Variants in SAXO1 observed in about 807,000 individuals in gnomAD.
The protein encoded by SAXO1 is 4930500O09Rik.
In SAXO1, 21 loss-of-function variants were observed where a neutral mutation model predicts 17.5. That is an observed-to-expected ratio of 1.20 (90% CI 0.85 to 1.72). SAXO1 has a LOEUF of 1.72. Among genes scored for constraint, SAXO1 ranks in the 40% most tolerant of loss-of-function variants. SAXO1 has a pLI of 0.00. For synonymous variants in SAXO1, 274 were observed against 216.5 expected (o/e 1.27, Z -2.33); for missense variants, 843 against 596.0 (o/e 1.41, Z -4.32).
intron 1 of SAXO1, among the ~76,000 whole-genome samples, chr9:18,958,489 T>C (rs1161087026): frequency 1.3e-5 from 2 of 151,896 alleles, no homozygotes; most frequent in Admixed American, 6.6e-5. Context: ...AGAAATTGGA[T>C]AACAGAAAGC....
intron 1 of SAXO1, among the ~76,000 whole-genome samples, chr9:18,957,787 C>A (rs188084817): frequency 8.7e-4 from 132 of 152,288 alleles, no homozygotes; most frequent in Non-Finnish European, 1.7e-3. Context: ...GTCTTAACAA[C>A]CCCCACAACC....
chr9:18,952,868 T>A (rs1832089306), intron 1 of SAXO1, among the ~76,000 whole-genome samples: 1 of 152,216 alleles, frequency 6.6e-6, no homozygotes, highest in African/African-American at 2.4e-5. Context: ...TTCTATTTTA[T>A]ACCCCTTTAA....
At chr9:18,930,803 G>A (rs1259374916) in intron 3 of SAXO1, among the ~76,000 whole-genome samples, 2 of 152,164 alleles carry the variant, frequency 1.3e-5, no homozygotes, top group East Asian at 3.9e-4. Flanking sequence ...CCGGCCTACT[G>A]CTGGCATTCT....
Position 19,008,175 on chromosome 9 carries a change from A to G in SAXO1, c.38+24696T>C, listed in dbSNP as rs1430111912. The stretch of plus-strand genomic sequence containing the variant: ...TTTTTAGTAGAGAGGGGGTTTCACC[A>G]TGTTGCCCAGGCTGGTGATCTTGAA... On this transcript the variant is annotated intron_variant, in intron 1 of 3. Coordinates refer to ENST00000380534, the MANE Select transcript of SAXO1 (RefSeq NM_153707.4). Among the ~76,000 whole-genome samples, 4 of 152,070 alleles carry G rather than the reference A, an allele frequency of 2.6e-5. No homozygotes were observed. In the East Asian group the frequency reaches 7.7e-4, roughly 29 times the overall value.
chr9:18,932,580 C>G (rs1034985402), intron 3 of SAXO1, among the ~76,000 whole-genome samples: 3 of 152,210 alleles, frequency 2.0e-5, no homozygotes, highest in East Asian at 1.9e-4. Context: ...AAGGAGCCTT[C>G]TGAGATTTTG....
intron 1 of SAXO1, among the ~76,000 whole-genome samples, chr9:18,963,289 C>T (rs1832566866): frequency 6.6e-6 from 1 of 152,010 alleles, no homozygotes; most frequent in Non-Finnish European, 1.5e-5. Context: ...GCTATACAGG[C>T]TTTTTTTGGT....
In SAXO1 at chr9:19,004,416, T is replaced by C. The variant is rs146797811; in HGVS notation, c.38+28455A>G. Among the ~76,000 whole-genome samples the C allele has an allele frequency of 3.0e-3, 460 of 152,332 alleles. 8 individuals are homozygous for C. In the South Asian group the frequency reaches 0.044, roughly 15 times the overall value. On this transcript the variant is annotated intron_variant, in intron 1 of 3. Transcript: ENST00000380534. Reference sequence around the variant, plus strand: ...ATGCTACTATAAAGACACATGCACATATATGTTTATTGCGGCACTATTCAC... The same window carrying C: ...ATGCTACTATAAAGACACATGCACACATATGTTTATTGCGGCACTATTCAC...
chr9:19,017,993 T>C (rs1473810179), intron 1 of SAXO1, among the ~76,000 whole-genome samples: 2 of 151,778 alleles, frequency 1.3e-5, no homozygotes, highest in Non-Finnish European at 2.9e-5. Flanking sequence ...CATGGCAAAA[T>C]CTCATCTCTA....
At chr9:18,964,421 G>A (rs779487522) in intron 1 of SAXO1, among the ~76,000 whole-genome samples, 7 of 152,068 alleles carry the variant, frequency 4.6e-5, no homozygotes, top group Non-Finnish European at 8.8e-5. Flanking sequence ...TTTGGTTGGT[G>A]GACTATTAAT....
intron 1 of SAXO1, chr9:19,027,730 G>A: frequency 1.4e-6 from 2 of 1,430,808 alleles, no homozygotes; most frequent in East Asian, 4.7e-5. Context: ...TTGACAGCGA[G>A]AAGTCCGGGG....
At chr9:18,958,152 G>A (rs187771976) in intron 1 of SAXO1, among the ~76,000 whole-genome samples, 7 of 152,226 alleles carry the variant, frequency 4.6e-5, no homozygotes, top group South Asian at 2.1e-4. Flanking sequence ...AGCCAGGTGC[G>A]GTGGCTCATT....
At chr9:19,031,550 G>A (rs1835772809) in intron 1 of SAXO1, among the ~76,000 whole-genome samples, 2 of 152,332 alleles carry the variant, frequency 1.3e-5, no homozygotes, top group East Asian at 1.9e-4. Flanking sequence ...AACAGAGCAA[G>A]ACACTGCCTC....
intron 1 of SAXO1, among the ~76,000 whole-genome samples, chr9:19,014,094 G>C (rs1210634458): frequency 6.6e-6 from 1 of 152,230 alleles, no homozygotes; most frequent in Middle Eastern, 3.4e-3. Context: ...GGAATGGCTG[G>C]AAAGGTAGAG....
intron 1 of SAXO1, among the ~76,000 whole-genome samples, chr9:19,020,041 G>A (rs889296101): frequency 7.0e-6 from 1 of 142,494 alleles, no homozygotes; most frequent in Non-Finnish European, 1.5e-5. Flanking sequence ...AAAAAAAAGT[G>A]TCCACGTGGA....
At chr9:19,019,305 T>C (rs763691174) in intron 1 of SAXO1, among the ~76,000 whole-genome samples, 13 of 152,202 alleles carry the variant, frequency 8.5e-5, no homozygotes, top group Non-Finnish European at 1.9e-4. Flanking sequence ...AAGGCTCTTC[T>C]GTCTTTCCAG....
intron 1 of SAXO1, among the ~76,000 whole-genome samples, chr9:18,979,270 T>C (rs917961833): frequency 6.6e-6 from 1 of 152,168 alleles, no homozygotes; most frequent in African/African-American, 2.4e-5. Flanking sequence ...AATATACTAC[T>C]AAAACAAGAG....
intron 2 of SAXO1, among the ~76,000 whole-genome samples, chr9:18,944,032 G>C (rs1485160026): frequency 6.6e-6 from 1 of 152,232 alleles, no homozygotes; most frequent in Non-Finnish European, 1.5e-5. Context: ...TACCGGAAAA[G>C]AGCAGACAAA....
At chr9:18,995,326 T>G (rs897592213) in intron 1 of SAXO1, among the ~76,000 whole-genome samples, 15 of 152,210 alleles carry the variant, frequency 9.9e-5, no homozygotes, top group Non-Finnish European at 1.6e-4. Flanking sequence ...CCAGTCTCAC[T>G]TGTGGGATAA....
chr9:18,999,315 G>A (rs968511802), intron 1 of SAXO1, among the ~76,000 whole-genome samples: 4 of 152,312 alleles, frequency 2.6e-5, no homozygotes, highest in Admixed American at 1.3e-4. Flanking sequence ...GATGTGAGGA[G>A]TGCCTCTGCC....
Sources: gnomAD v4.1 joint callset for allele counts (sites outside exome capture counted in the v4.1 genomes callset) on GRCh38, gnomAD v4.1.1 for gene constraint, MANE v1.5 for transcripts, NCBI Gene and HGNC (gene_info 2026-07-23, HGNC 2026-07-21) for gene names.